The following ROR1 variants were observed in gnomAD, a reference collection of about 807,000 sequenced individuals.
ROR1 encodes the protein inactive tyrosine-protein kinase transmembrane receptor ROR1.
In ROR1, 19 loss-of-function variants were observed where a neutral mutation model predicts 78.8. That is an observed-to-expected ratio of 0.24 (90% CI 0.17 to 0.35). The LOEUF is 0.35. Among genes scored for constraint, ROR1 ranks in the 10% least tolerant of loss-of-function variants. ROR1 has a pLI of 1.00. For synonymous variants in ROR1, 386 were observed against 433.6 expected, an observed-to-expected ratio of 0.89 and a Z score of 1.36; for missense variants, 917 against 1,177.8, an observed-to-expected ratio of 0.78 and a Z score of 3.24.
intron 1 of ROR1, among the ~76,000 whole-genome samples, chr1:63,882,288 G>A (rs574143475): frequency 6.6e-6 from 1 of 152,246 alleles, no homozygotes; most frequent in South Asian, 2.1e-4. Flanking sequence ...TTAGGCCCAG[G>A]AGCCTTGGAG....
intron 1 of ROR1, among the ~76,000 whole-genome samples, chr1:63,989,403 A>C (rs181024376): frequency 6.6e-5 from 10 of 152,246 alleles, no homozygotes; most frequent in Admixed American, 5.9e-4. Context: ...ATAGGAGGCT[A>C]TCAGTGAATA....
At chr1:64,084,896 C>T in intron 4 of ROR1, among the ~76,000 whole-genome samples, 1 of 152,114 alleles carries the variant, frequency 6.6e-6, no homozygotes, top group East Asian at 1.9e-4. Flanking sequence ...CTGTTTTATT[C>T]CAGCCCTGGC....
At chr1:63,905,521 T>C (rs1645521039) in intron 1 of ROR1, among the ~76,000 whole-genome samples, 1 of 152,174 alleles carries the variant, frequency 6.6e-6, no homozygotes, top group Admixed American at 6.5e-5. Flanking sequence ...AAACAAAGGG[T>C]ATACAAGTTT....
intron 1 of ROR1, among the ~76,000 whole-genome samples, chr1:63,956,695 A>G (rs1344257846): frequency 6.6e-6 from 1 of 152,192 alleles, no homozygotes; most frequent in African/African-American, 2.4e-5. Flanking sequence ...GTTGAGAAAG[A>G]CATTTTTAAA....
intron 1 of ROR1, among the ~76,000 whole-genome samples, chr1:63,801,304 C>G (rs1161521042): frequency 1.3e-5 from 2 of 151,564 alleles, no homozygotes; most frequent in Non-Finnish European, 2.9e-5. Flanking sequence ...TGTTTTTGGT[C>G]TTTTTTTTGA....
chr1:64,158,078 A>G (rs1332233223), intron 7 of ROR1, among the ~76,000 whole-genome samples: 1 of 152,234 alleles, frequency 6.6e-6, no homozygotes, highest in African/African-American at 2.4e-5. Context: ...ATTAATGACA[A>G]TATATGCCTA....
intron 1 of ROR1, among the ~76,000 whole-genome samples, chr1:63,919,933 C>A (rs1015243128): frequency 1.3e-5 from 2 of 152,182 alleles, no homozygotes; most frequent in Non-Finnish European, 2.9e-5. Context: ...TACCAAATAT[C>A]CGCTTAGCAG....
chr1:63,922,615 T>C (rs1469055935), intron 1 of ROR1, among the ~76,000 whole-genome samples: 2 of 152,162 alleles, frequency 1.3e-5, no homozygotes, highest in African/African-American at 4.8e-5. Context: ...ACAGCTCACT[T>C]TTCCTAGGAA....
intron 1 of ROR1, among the ~76,000 whole-genome samples, chr1:63,951,997 C>A (rs1430736608): frequency 4.6e-5 from 7 of 152,154 alleles, no homozygotes; most frequent in African/African-American, 1.7e-4. Context: ...AATAAGGTCC[C>A]TGTCCTAGTG....
intron 1 of ROR1, among the ~76,000 whole-genome samples, chr1:63,978,092 C>T (rs1036170942): frequency 8.5e-5 from 13 of 152,092 alleles, no homozygotes; most frequent in Admixed American, 6.6e-4. Context: ...CCATCCATGG[C>T]GGGTGCACAC....
chr1:64,016,322 T>C (rs1386056807), intron 2 of ROR1, among the ~76,000 whole-genome samples: 1 of 152,224 alleles, frequency 6.6e-6, no homozygotes, highest in African/African-American at 2.4e-5. Context: ...TAAAACACAC[T>C]GGATCTCAAG....
At chr1:63,831,359 C>G (rs1383013229) in intron 1 of ROR1, among the ~76,000 whole-genome samples, 1 of 152,220 alleles carries the variant, frequency 6.6e-6, no homozygotes, top group Non-Finnish European at 1.5e-5. Flanking sequence ...TCCTGGACAT[C>G]CAGACATTTC....
intron 4 of ROR1, among the ~76,000 whole-genome samples, chr1:64,054,435 C>A (rs554104295): frequency 6.6e-6 from 1 of 152,280 alleles, no homozygotes; most frequent in Non-Finnish European, 1.5e-5. Context: ...AGCCAACATG[C>A]CTGGTTGTAA....
intron 4 of ROR1, among the ~76,000 whole-genome samples, chr1:64,088,420 G>T (rs1011378479): frequency 6.6e-6 from 1 of 152,026 alleles, no homozygotes; most frequent in African/African-American, 2.4e-5. Flanking sequence ...TTCCACAAAT[G>T]TTTTCTAATA....
At chr1:63,815,092 CTGTT>C (rs371634467) in intron 1 of ROR1, among the ~76,000 whole-genome samples, 158 of 152,296 alleles carry the variant, frequency 1.0e-3, no homozygotes, top group African/African-American at 3.7e-3. Flanking sequence ...ATTACTGCCT[CTGTT>C]TGTTTTTGCA....
intron 1 of ROR1, among the ~76,000 whole-genome samples, chr1:64,003,529 C>G (rs1172818947): frequency 6.6e-6 from 1 of 152,180 alleles, no homozygotes; most frequent in African/African-American, 2.4e-5. Context: ...GAGCATAGTA[C>G]TTTCCAGTCC....
chr1:63,941,758 T>G (rs181136218), intron 1 of ROR1, among the ~76,000 whole-genome samples: 48 of 152,306 alleles, frequency 3.2e-4, no homozygotes, highest in Admixed American at 2.5e-3. Context: ...TATTAGACAC[T>G]TGTGTTTATA....
chr1:63,780,091 T>C (rs1411403553), intron 1 of ROR1, among the ~76,000 whole-genome samples: 1 of 152,206 alleles, frequency 6.6e-6, no homozygotes, highest in East Asian at 1.9e-4. Flanking sequence ...AAAGCTGTTA[T>C]GAAATACTGA....
At chr1:64,012,005 T>C (rs1400815069) in intron 2 of ROR1, among the ~76,000 whole-genome samples, 2 of 152,204 alleles carry the variant, frequency 1.3e-5, no homozygotes, top group African/African-American at 4.8e-5. Flanking sequence ...CACAGAGAGA[T>C]ACTAGTGAAA....
Sources: gnomAD v4.1 joint callset for allele counts (sites outside exome capture counted in the v4.1 genomes callset) on GRCh38, gnomAD v4.1.1 for gene constraint, MANE v1.5 for transcripts, NCBI Gene and HGNC (gene_info 2026-07-23, HGNC 2026-07-21) for gene names.